LRBA: variants seen among roughly 807,000 people sequenced by gnomAD.
LRBA encodes the protein lipopolysaccharide-responsive and beige-like anchor protein.
LRBA carries 176 observed loss-of-function variants against 330.0 expected under a neutral mutation model. That is an observed-to-expected ratio of 0.53 (90% confidence interval 0.47 to 0.60). The LOEUF is 0.60. LRBA is among the 20% of genes least tolerant of loss of function. The probability of loss-of-function intolerance (pLI) is 0.00; values close to 1 mark genes in which losing one functional copy is unlikely to be tolerated. For missense variants in LRBA, 3,259 were observed against 3,444.8 expected (o/e 0.95, Z 1.35); for synonymous variants, 1,230 against 1,193.0 (o/e 1.03, Z -0.64).
chr4:150,691,869 TACAC>T (rs1473418109), intron 36 of LRBA, among the ~76,000 whole-genome samples: 1 of 152,028 alleles, frequency 6.6e-6, no homozygotes, highest in African/African-American at 2.4e-5. Context: ...AAACCAATAA[TACAC>T]ACAACAATGT....
At chr4:150,282,238 C>T (rs557198679) in intron 55 of LRBA, among the ~76,000 whole-genome samples, 60 of 152,352 alleles carry the variant, frequency 3.9e-4, no homozygotes, top group African/African-American at 1.3e-3. Flanking sequence ...TCCTCAGCTG[C>T]GCTGAGTGAC....
At position 150,868,065 on chromosome 4, in the gene LRBA, TA is replaced by T. The variant is rs567360390; in HGVS notation, c.2573+116del. 2.7e-4 allele frequency: 306 copies of T among 1,132,100 alleles called. 2 individuals carry two copies. The African/African-American group carries it at 2.7e-3, about 10-fold the overall frequency. The allele number at this position is 1,132,100 out of a possible 1,614,324, so 70.1% of individuals were successfully genotyped here. A position where few individuals can be genotyped will look rare whatever the true frequency, so the allele number is the denominator to read the frequency against. ...TGGTACATTATTTACATACTCTTAA[TA>T]AAAAAAATAGAAAAATCATTTCACA... is the stretch of plus-strand genomic sequence containing the variant. On this transcript the variant is annotated intron_variant, in intron 21 of 56. Coordinates refer to ENST00000651943, the MANE Select transcript of LRBA (RefSeq NM_001364905.1).
chr4:150,472,610 C>G (rs1756267713), intron 42 of LRBA, among the ~76,000 whole-genome samples: 1 of 152,114 alleles, frequency 6.6e-6, no homozygotes, highest in South Asian at 2.1e-4. Context: ...TTCATCACTA[C>G]AAAAATTTGC....
At chr4:150,488,874 G>C in intron 41 of LRBA, among the ~76,000 whole-genome samples, 1 of 132,982 alleles carries the variant, frequency 7.5e-6, no homozygotes, top group East Asian at 2.4e-4. Flanking sequence ...AACATATTTA[G>C]TAATGTCATA....
chr4:150,481,642 T>C (rs1757310290), intron 42 of LRBA, among the ~76,000 whole-genome samples: 1 of 151,772 alleles, frequency 6.6e-6, no homozygotes, highest in Non-Finnish European at 1.5e-5. Context: ...AGTAATTTCA[T>C]ATAAATAAAA....
intron 37 of LRBA, among the ~76,000 whole-genome samples, chr4:150,625,998 A>ATT (rs112617055): frequency 6.9e-6 from 1 of 145,922 alleles, no homozygotes. Context: ...GGCCGGATAT[A>ATT]TTTTTTTTTT....
At chr4:150,440,088 T>C (rs568524256) in intron 44 of LRBA, among the ~76,000 whole-genome samples, 1 of 152,242 alleles carries the variant, frequency 6.6e-6, no homozygotes, top group South Asian at 2.1e-4. Flanking sequence ...GGGAAGATGC[T>C]AGCACCATCA....
chr4:150,273,920 G>T (rs1052846141), intron 56 of LRBA, among the ~76,000 whole-genome samples: 11 of 152,038 alleles, frequency 7.2e-5, no homozygotes. Context: ...CAACAACAAG[G>T]ATATTCAGAA....
At chr4:150,654,405 T>C (rs935378157) in intron 37 of LRBA, among the ~76,000 whole-genome samples, 2 of 152,114 alleles carry the variant, frequency 1.3e-5, no homozygotes, top group African/African-American at 4.8e-5. Flanking sequence ...GCCAGGCTTG[T>C]CTCGAACTCA....
At chr4:150,393,487 C>A (rs1024634423) in intron 47 of LRBA, among the ~76,000 whole-genome samples, 1 of 151,152 alleles carries the variant, frequency 6.6e-6, no homozygotes, top group Non-Finnish European at 1.5e-5. Context: ...TCCCTCCCTC[C>A]CTCCCTCCTT....
intron 26 of LRBA, among the ~76,000 whole-genome samples, chr4:150,846,770 T>C (rs4696636): frequency 0.87 from 132,910 of 152,114 alleles, 58,618 homozygotes; most frequent in Non-Finnish European, 0.95. Context: ...TGTTACTTTG[T>C]TTACCATACT....
At chr4:150,289,615 C>T (rs35766906) in intron 53 of LRBA, among the ~76,000 whole-genome samples, 76,860 of 152,014 alleles carry the variant, frequency 0.51, 20,414 homozygotes, top group South Asian at 0.59. Context: ...TCTATAAACC[C>T]ACATACATCA....
chr4:150,851,721 A>T (rs1750640082), intron 23 of LRBA, among the ~76,000 whole-genome samples, 164 bp downstream of exon 23: 1 of 152,258 alleles, frequency 6.6e-6, no homozygotes, highest in South Asian at 2.1e-4. Context: ...TAACTGCCAA[A>T]CACTGTGCTA....
chr4:150,709,881 T>C (rs1786006269), intron 36 of LRBA, among the ~76,000 whole-genome samples: 1 of 151,930 alleles, frequency 6.6e-6, no homozygotes, highest in Non-Finnish European at 1.5e-5. Flanking sequence ...AAGGAAAATC[T>C]AAAAGATGAG....
intron 36 of LRBA, among the ~76,000 whole-genome samples, chr4:150,687,767 A>G (rs762844604): frequency 2.4e-4 from 37 of 152,076 alleles, no homozygotes; most frequent in Non-Finnish European, 4.4e-4. Context: ...AGCTCTACCT[A>G]ATTTTACTAT....
chr4:150,616,572 T>G (rs1775789418), intron 37 of LRBA, among the ~76,000 whole-genome samples: 1 of 152,208 alleles, frequency 6.6e-6, no homozygotes, highest in African/African-American at 2.4e-5. Flanking sequence ...TATTTATTTA[T>G]TTAAAGACTA....
intron 36 of LRBA, among the ~76,000 whole-genome samples, chr4:150,704,878 A>G (rs1175596341): frequency 6.6e-6 from 1 of 152,184 alleles, no homozygotes; most frequent in African/African-American, 2.4e-5. Flanking sequence ...GCATAATAAG[A>G]ATATGTGACT....
intron 40 of LRBA, chr4:150,584,134 G>C (rs973664516): frequency 1.3e-6 from 2 of 1,504,394 alleles, no homozygotes; most frequent in Non-Finnish European, 1.8e-6. Context: ...CTTGAAAAGC[G>C]ACACAAACGG....
intron 2 of LRBA, among the ~76,000 whole-genome samples, chr4:150,944,316 T>TGATAAATATTTATTTA (rs1736006478): frequency 2.0e-5 from 3 of 152,366 alleles, no homozygotes; most frequent in Non-Finnish European, 4.4e-5. Context: ...AATTTTTTAA[T>TGATAAATATTTATTTA]TCAAATATTC....
Sources: allele counts gnomAD v4.1 joint callset (sites outside exome capture counted in the v4.1 genomes callset), GRCh38; gene constraint gnomAD v4.1.1; transcripts MANE v1.5; gene names NCBI Gene and HGNC (gene_info 2026-07-23, HGNC 2026-07-21).